ADARB2: variants seen among roughly 807,000 people sequenced by gnomAD.
The protein encoded by ADARB2 is adenosine deaminase RNA specific B2 (inactive), also known as inactive double-stranded RNA-specific editase B2.
ADARB2 carries 25 observed loss-of-function variants against 62.2 expected under a neutral mutation model. The observed-to-expected ratio is 0.40, with a 90% CI of 0.29 to 0.56. ADARB2 has a LOEUF of 0.56. Among genes scored for constraint, ADARB2 ranks in the 20% least tolerant of loss-of-function variants. The pLI, the probability that ADARB2 is intolerant of heterozygous loss-of-function variation, is 0.43. For synonymous variants in ADARB2, 572 were observed against 500.8 expected (o/e 1.14, Z -1.90); for missense variants, 1,071 against 1,077.4 (o/e 0.99, Z 0.08).
intron 1 of ADARB2, among the ~76,000 whole-genome samples, chr10:1,522,074 T>C (rs1832080640): frequency 6.6e-6 from 1 of 152,148 alleles, no homozygotes. Flanking sequence ...TTACGAAAAA[T>C]GAAAGGAATT....
intron 1 of ADARB2, among the ~76,000 whole-genome samples, chr10:1,422,322 T>C (rs1564285517): frequency 1.3e-5 from 2 of 152,308 alleles, no homozygotes; most frequent in South Asian, 4.1e-4. Context: ...TAAATTTATT[T>C]ACAGAGACAG....
intron 7 of ADARB2, among the ~76,000 whole-genome samples, chr10:1,214,849 A>G (rs1217967452): frequency 6.6e-6 from 1 of 152,260 alleles, no homozygotes; most frequent in African/African-American, 2.4e-5. Flanking sequence ...TGATGCAGAA[A>G]CCACGGCTTT....
chr10:1,617,881 C>T (rs1237153359), intron 1 of ADARB2, among the ~76,000 whole-genome samples: 1 of 152,264 alleles, frequency 6.6e-6, no homozygotes, highest in African/African-American at 2.4e-5. Context: ...TCCTTCCAGT[C>T]TGTTTGACAG....
At chr10:1,376,098 A>G (rs974329210) in intron 2 of ADARB2, among the ~76,000 whole-genome samples, 8 of 152,190 alleles carry the variant, frequency 5.3e-5, no homozygotes, top group African/African-American at 1.9e-4. Flanking sequence ...ACACACACAC[A>G]CGCACATCTT....
intron 1 of ADARB2, among the ~76,000 whole-genome samples, chr10:1,662,460 C>T (rs58448874): frequency 0.16 from 24,471 of 152,168 alleles, 2,881 homozygotes; most frequent in African/African-American, 0.33. Context: ...CTCTTGGTTC[C>T]GGCCTTGCAA....
At chr10:1,269,080 C>G (rs992685377) in intron 4 of ADARB2, among the ~76,000 whole-genome samples, 5 of 152,154 alleles carry the variant, frequency 3.3e-5, no homozygotes, top group Non-Finnish European at 7.4e-5. Context: ...ATAAGGAAGC[C>G]AGGGTGGCTG....
chr10:1,658,162 GTC>G (rs149537954), intron 1 of ADARB2, among the ~76,000 whole-genome samples: 4,282 of 148,266 alleles, frequency 0.029, 78 homozygotes, highest in Non-Finnish European at 0.047. Flanking sequence ...TATTCTCCCT[GTC>G]TCTCTCTGTG....
chr10:1,501,373 G>A (rs979006300), intron 1 of ADARB2, among the ~76,000 whole-genome samples: 2 of 152,152 alleles, frequency 1.3e-5, no homozygotes, highest in African/African-American at 4.8e-5. Context: ...TTTCTCAAAG[G>A]CAGCATTCTC....
At position 1,514,323 on chromosome 10, in the gene ADARB2, T is replaced by C. The variant is rs184703078; in HGVS notation, c.101-135163A>G. Reference sequence around the variant, plus strand: ...TTTGGGACAGTAGTCGGGGAATCAGTAAACCACACACTTCCACGGCCCTCA... The same window carrying C: ...TTTGGGACAGTAGTCGGGGAATCAGCAAACCACACACTTCCACGGCCCTCA... On this transcript the variant is annotated intron_variant, in intron 1 of 9. Transcript: ENST00000381312. 3.9e-3 allele frequency among the ~76,000 whole-genome samples: 593 copies of C among 151,588 alleles called. 6 individuals are homozygous for C. Among genetic ancestry groups the C allele is most frequent in the Middle Eastern group, 0.024 (7 of 290 alleles).
chr10:1,576,143 G>T (rs1267129920), intron 1 of ADARB2, among the ~76,000 whole-genome samples: 1 of 126,344 alleles, frequency 7.9e-6, no homozygotes, highest in African/African-American at 2.9e-5. Flanking sequence ...TCACAAGAGG[G>T]GGGTCCACGG....
chr10:1,502,022 A>C (rs1831773751), intron 1 of ADARB2, among the ~76,000 whole-genome samples: 1 of 152,248 alleles, frequency 6.6e-6, no homozygotes, highest in Non-Finnish European at 1.5e-5. Flanking sequence ...TGAGATCTGC[A>C]ATAAAAACTG....
chr10:1,321,816 G>A (rs1831798412), intron 3 of ADARB2, among the ~76,000 whole-genome samples: 1 of 152,220 alleles, frequency 6.6e-6, no homozygotes, highest in South Asian at 2.1e-4. Context: ...CTCTAATGTA[G>A]AAGGAAGGAG....
At chr10:1,242,435 A>G in intron 4 of ADARB2, 136 bp from the exon 5 acceptor site, 1 of 1,214,768 alleles carries the variant, frequency 8.2e-7, no homozygotes, top group Non-Finnish European at 1.1e-6. Flanking sequence ...AGAGCTGGGA[A>G]GCGAGGCTTC....
intron 1 of ADARB2, among the ~76,000 whole-genome samples, chr10:1,664,193 T>C: frequency 6.6e-6 from 1 of 151,978 alleles, no homozygotes; most frequent in African/African-American, 2.4e-5. Flanking sequence ...AGTATGTGGG[T>C]TTCTGTGTGT....
At chr10:1,569,418 C>T (rs961485714) in intron 1 of ADARB2, among the ~76,000 whole-genome samples, 2 of 152,210 alleles carry the variant, frequency 1.3e-5, no homozygotes, top group Admixed American at 1.3e-4. Context: ...CAGCAGGAGG[C>T]ATGTAGAGAG....
chr10:1,346,354 C>T (rs1037484354), intron 3 of ADARB2, among the ~76,000 whole-genome samples: 3 of 152,200 alleles, frequency 2.0e-5, no homozygotes, highest in African/African-American at 7.2e-5. Context: ...GAGAACCCCT[C>T]AGCCCCTCAG....
intron 8 of ADARB2, among the ~76,000 whole-genome samples, chr10:1,190,703 G>A (rs1836830141): frequency 6.6e-6 from 1 of 152,162 alleles, no homozygotes; most frequent in Non-Finnish European, 1.5e-5. Flanking sequence ...CGGCTTCTCT[G>A]CATGTGCCAT....
chr10:1,262,769 T>C (rs2131792294), intron 4 of ADARB2, among the ~76,000 whole-genome samples: 1 of 152,300 alleles, frequency 6.6e-6, no homozygotes, highest in East Asian at 1.9e-4. Flanking sequence ...GACCCAGTCA[T>C]CCCATTACTG....
chr10:1,445,102 TATCCATCC>T (rs368381647), intron 1 of ADARB2, among the ~76,000 whole-genome samples: 252 of 143,416 alleles, frequency 1.8e-3, no homozygotes, highest in African/African-American at 6.4e-3. Flanking sequence ...CCCACCCATC[TATCCATCC>T]ATCCATCCAT....
Sources: gnomAD v4.1 joint callset for allele counts (sites outside exome capture counted in the v4.1 genomes callset) on GRCh38, gnomAD v4.1.1 for gene constraint, MANE v1.5 for transcripts, NCBI Gene and HGNC (gene_info 2026-07-23, HGNC 2026-07-21) for gene names.